The following USH2A variants were observed in gnomAD, a reference collection of about 807,000 sequenced individuals.
USH2A encodes the protein usherin.
Under a neutral mutation model 538.9 loss-of-function variants are expected in USH2A, and 443 were observed. The ratio of observed to expected loss-of-function variants is 0.82; its 90% CI spans 0.76 to 0.89. The LOEUF (loss-of-function observed/expected upper bound fraction) is 0.89, where lower values mean the gene tolerates loss of function less well. Among genes scored for constraint, USH2A ranks in the 40% least tolerant of loss-of-function variants. USH2A has a pLI of 0.00. For synonymous variants in USH2A, 2,413 were observed against 2,273.5 expected (o/e 1.06, Z -1.75); for missense variants, 6,633 against 6,324.8 (o/e 1.05, Z -1.65).
chr1:216,323,540 G>T lies in USH2A; in HGVS notation c.1484C>A (p.Thr495Lys). ...IRFHFHGQYY[T>K]TETAVNLRHR... Reference sequence around the variant, plus strand: ...TCTGAGGTTAACAGCAGTCTCAGTTGTATAGTACTGCCCATGAAAATGAAA... The same window carrying T: ...TCTGAGGTTAACAGCAGTCTCAGTTTTATAGTACTGCCCATGAAAATGAAA... Residue 495 changes from threonine to lysine, a missense_variant, in exon 8 of 72, where the codon ACA (threonine) becomes AAA (lysine). Thr to Lys is a moderately conservative substitution (Grantham distance 78). Coordinates refer to ENST00000307340, the MANE Select transcript of USH2A (RefSeq NM_206933.4). 1.2e-6 allele frequency: 2 copies of T among 1,613,476 alleles called. No individual in the cohort carries two copies. Among genetic ancestry groups the T allele is most frequent in the Non-Finnish European group, 1.7e-6 (2 of 1,179,730 alleles).
Position 215,961,328 on chromosome 1 carries a change from A to G in USH2A, c.7120+3989T>C, listed in dbSNP as rs558292504. Among the ~76,000 whole-genome samples, 6 of 151,922 alleles carry G rather than the reference A, an allele frequency of 3.9e-5. No homozygotes were observed. The East Asian group carries it at 9.7e-4, about 24-fold the overall frequency. ...ATAATTATAAAATATTAATGAATAC[A>G]CAACAGAAATATGCAAGATCTATAT... On this transcript the variant is annotated intron_variant, in intron 37 of 71. Coordinates refer to ENST00000307340, the MANE Select transcript of USH2A (RefSeq NM_206933.4).
chr1:215,940,500 A>AGATCT (rs1292641426), intron 37 of USH2A, among the ~76,000 whole-genome samples: 1 of 152,154 alleles, frequency 6.6e-6, no homozygotes, highest in Non-Finnish European at 1.5e-5. Context: ...TTTTTCTGAT[A>AGATCT]GATCTCATGT....
chr1:215,630,678 C>T (rs972411245), intron 70 of USH2A, among the ~76,000 whole-genome samples: 1 of 150,850 alleles, frequency 6.6e-6, no homozygotes, highest in Non-Finnish European at 1.5e-5. Flanking sequence ...CATGGTGAAA[C>T]CCCGTCTCTA....
intron 26 of USH2A, among the ~76,000 whole-genome samples, chr1:216,079,483 T>C (rs2031860018): frequency 6.6e-6 from 1 of 152,168 alleles, no homozygotes; most frequent in African/African-American, 2.4e-5. Context: ...GGAGGGGGAC[T>C]AATATGCATG....
At chr1:216,368,499 C>G (rs918711963) in intron 3 of USH2A, among the ~76,000 whole-genome samples, 1 of 152,132 alleles carries the variant, frequency 6.6e-6, no homozygotes, top group African/African-American at 2.4e-5. Flanking sequence ...TGTTACTGGA[C>G]AAATGGTAAT....
chr1:216,256,827 G>A (rs1461986618), intron 11 of USH2A, among the ~76,000 whole-genome samples: 1 of 151,910 alleles, frequency 6.6e-6, no homozygotes, highest in Non-Finnish European at 1.5e-5. Flanking sequence ...TATCAGTAAG[G>A]TTTTTGGTCA....
intron 4 of USH2A, among the ~76,000 whole-genome samples, chr1:216,332,709 T>C (rs939951049): frequency 5.3e-5 from 8 of 152,128 alleles, no homozygotes; most frequent in South Asian, 2.1e-4. Context: ...TGTTCAGTCA[T>C]TGCCTGACTA....
At chr1:216,352,538 AG>A (rs2038307223) in intron 4 of USH2A, among the ~76,000 whole-genome samples, 1 of 152,280 alleles carries the variant, frequency 6.6e-6, no homozygotes, top group South Asian at 2.1e-4. Context: ...GAGGAATTAA[AG>A]GCTCCTATGG....
intron 60 of USH2A, among the ~76,000 whole-genome samples, chr1:215,739,532 C>T (rs1388614290): frequency 6.6e-6 from 1 of 152,130 alleles, no homozygotes; most frequent in Non-Finnish European, 1.5e-5. Flanking sequence ...TTTTCTCATG[C>T]AATTAGCATT....
At chr1:216,151,831 C>T (rs1031193279) in intron 21 of USH2A, among the ~76,000 whole-genome samples, 30 of 152,250 alleles carry the variant, frequency 2.0e-4, no homozygotes, top group African/African-American at 7.2e-4. Context: ...CGCTGAACCC[C>T]CTTGGGCACT....
chr1:215,859,570 C>T (rs11120675), intron 44 of USH2A, among the ~76,000 whole-genome samples: 22,467 of 152,040 alleles, frequency 0.15, 1,971 homozygotes, highest in African/African-American at 0.24. Context: ...ATGCAAAACT[C>T]GTGTAGAAGG....
chr1:215,815,994 G>A (rs140379984), intron 48 of USH2A, among the ~76,000 whole-genome samples: 1,529 of 151,862 alleles, frequency 0.01, 29 homozygotes, highest in African/African-American at 0.035. Context: ...TGTCCACTTC[G>A]TAACAGATAA....
chr1:216,329,410 T>TA (rs2037804108), intron 4 of USH2A, among the ~76,000 whole-genome samples: 2 of 152,146 alleles, frequency 1.3e-5, no homozygotes, highest in South Asian at 4.1e-4. Context: ...TACATGCAAA[T>TA]ACAGCAAAGC....
chr1:216,153,295 G>A (rs2033875789), intron 21 of USH2A, among the ~76,000 whole-genome samples: 1 of 152,128 alleles, frequency 6.6e-6, no homozygotes. Flanking sequence ...GGGGCTTTGG[G>A]AGTCACAAGC....
intron 61 of USH2A, among the ~76,000 whole-genome samples, chr1:215,712,028 T>G (rs895396614): frequency 9.2e-5 from 14 of 152,228 alleles, no homozygotes; most frequent in African/African-American, 3.1e-4. Flanking sequence ...ATTATTGCTC[T>G]GTTAAAAACG....
intron 37 of USH2A, among the ~76,000 whole-genome samples, 197 bp from the exon 38 acceptor site, chr1:215,934,992 A>G (rs996930562): frequency 6.6e-6 from 1 of 152,046 alleles, no homozygotes; most frequent in Non-Finnish European, 1.5e-5. Flanking sequence ...GTGCTATCTG[A>G]GTTGACCTGG....
At chr1:215,686,071 C>T (rs543018119) in intron 61 of USH2A, among the ~76,000 whole-genome samples, 1 of 152,122 alleles carries the variant, frequency 6.6e-6, no homozygotes, top group East Asian at 1.9e-4. Flanking sequence ...ATGCTCAGTG[C>T]AAACATTTAG....
At chr1:215,921,590 T>A (rs777864574) in intron 38 of USH2A, among the ~76,000 whole-genome samples, 1 of 152,066 alleles carries the variant, frequency 6.6e-6, no homozygotes, top group Non-Finnish European at 1.5e-5. Context: ...AAAATCTGTG[T>A]TGCTGCTGCC....
At chr1:216,376,567 T>C (rs2038824844) in intron 3 of USH2A, among the ~76,000 whole-genome samples, 1 of 152,208 alleles carries the variant, frequency 6.6e-6, no homozygotes, top group Non-Finnish European at 1.5e-5. Context: ...TCAAAATGTT[T>C]ATAGTTTTTT....
Sources: allele counts gnomAD v4.1 joint callset (sites outside exome capture counted in the v4.1 genomes callset), GRCh38; gene constraint gnomAD v4.1.1; transcripts MANE v1.5; gene names NCBI Gene and HGNC (gene_info 2026-07-23, HGNC 2026-07-21).